Variants in FAM110B observed in about 807,000 individuals in gnomAD.
FAM110B encodes protein FAM110B.
Under a neutral mutation model 20.4 loss-of-function variants are expected in FAM110B, and 6 were observed. That is an observed-to-expected ratio of 0.29 (90% CI 0.16 to 0.58). FAM110B has a LOEUF of 0.58. Among genes scored for constraint, FAM110B ranks in the 20% least tolerant of loss-of-function variants. The pLI, the probability that FAM110B is intolerant of heterozygous loss-of-function variation, is 0.90. For synonymous variants in FAM110B, 226 were observed against 214.1 expected (o/e 1.06, Z -0.49); for missense variants, 434 against 498.2 (o/e 0.87, Z 1.23).
intron 2 of FAM110B, among the ~76,000 whole-genome samples, chr8:58,072,372 A>G (rs1255272517): frequency 6.6e-6 from 1 of 152,186 alleles, no homozygotes; most frequent in Non-Finnish European, 1.5e-5. Flanking sequence ...CTTTTTTAAA[A>G]ATTTAAATAT....
At chr8:58,012,768 G>C (rs998842906) in intron 1 of FAM110B, among the ~76,000 whole-genome samples, 3 of 152,200 alleles carry the variant, frequency 2.0e-5, no homozygotes, top group African/African-American at 7.2e-5. Context: ...TCACACTTTA[G>C]TAACAGGGAC....
intron 1 of FAM110B, among the ~76,000 whole-genome samples, 154 bp downstream of exon 1, chr8:57,994,960 C>T (rs964910453): frequency 5.3e-5 from 8 of 152,142 alleles, no homozygotes; most frequent in African/African-American, 1.4e-4. Context: ...TGCAGCTTCC[C>T]CGCCCGGCCC....
chr8:58,058,496 T>C (rs1383253739), intron 2 of FAM110B, among the ~76,000 whole-genome samples: 3 of 152,148 alleles, frequency 2.0e-5, no homozygotes, highest in Admixed American at 2.0e-4. Flanking sequence ...AGAAAGATGT[T>C]TTAAGTCAAT....
At chr8:57,998,253 T>C (rs1804224385) in intron 1 of FAM110B, among the ~76,000 whole-genome samples, 1 of 152,212 alleles carries the variant, frequency 6.6e-6, no homozygotes, top group Admixed American at 6.5e-5. Flanking sequence ...AGATGGCACA[T>C]TTAGCTTCTT....
intron 2 of FAM110B, among the ~76,000 whole-genome samples, chr8:58,055,645 G>T (rs533255768): frequency 3.3e-5 from 5 of 152,298 alleles, no homozygotes; most frequent in African/African-American, 9.6e-5. Context: ...TGACAGAAGT[G>T]ACTTTTTTCT....
In FAM110B at chr8:58,011,861, A is replaced by G. The variant is rs534211314; in HGVS notation, c.-512+17055A>G. Among the ~76,000 whole-genome samples the G allele has an allele frequency of 5.3e-5, 8 of 152,142 alleles. No homozygotes were observed. In the South Asian group the frequency reaches 1.7e-3, roughly 32 times the overall value. On this transcript the variant is annotated intron_variant, in intron 1 of 3. Coordinates refer to ENST00000519262, the MANE Select transcript of FAM110B (RefSeq NM_001377989.1). ...GTGTCTTCTAAGTATGTAGTAAGTG[A>G]CTCTAGGCAGCATACAGGTGGCAAG...
chr8:58,006,917 A>ATTTTTT (rs199509693), intron 1 of FAM110B, among the ~76,000 whole-genome samples: 1 of 84,176 alleles, frequency 1.2e-5, no homozygotes, highest in Non-Finnish European at 2.5e-5. Context: ...ATATATATAT[A>ATTTTTT]TATATATTTT....
intron 2 of FAM110B, among the ~76,000 whole-genome samples, chr8:58,071,376 T>C (rs930264316): frequency 8.5e-5 from 13 of 152,188 alleles, no homozygotes; most frequent in African/African-American, 3.1e-4. Context: ...CAGAAACTTG[T>C]GTATTGAGTC....
chr8:58,027,653 C>G (rs1804879490), intron 1 of FAM110B, among the ~76,000 whole-genome samples: 2 of 152,174 alleles, frequency 1.3e-5, no homozygotes, highest in African/African-American at 4.8e-5. Flanking sequence ...TTCTATTGCT[C>G]CAGTTTGCCT....
chr8:58,026,654 A>G (rs1804861156), intron 1 of FAM110B, among the ~76,000 whole-genome samples: 2 of 152,142 alleles, frequency 1.3e-5, no homozygotes, highest in African/African-American at 4.8e-5. Context: ...AGAAGTATGG[A>G]CACCAGGATA....
chr8:58,136,739 G>A (rs1040994372), intron 3 of FAM110B, among the ~76,000 whole-genome samples: 4 of 152,072 alleles, frequency 2.6e-5, no homozygotes, highest in East Asian at 1.9e-4. Context: ...GAAGAATGTC[G>A]AACTGGAAAT....
intron 3 of FAM110B, among the ~76,000 whole-genome samples, chr8:58,116,934 T>C (rs1807229300): frequency 6.6e-6 from 1 of 152,220 alleles, no homozygotes; most frequent in Non-Finnish European, 1.5e-5. Flanking sequence ...CTTAACGCGA[T>C]GCACACAGCA....
intron 1 of FAM110B, among the ~76,000 whole-genome samples, chr8:58,018,082 G>A (rs1363831528): frequency 6.6e-6 from 1 of 152,124 alleles, no homozygotes; most frequent in Non-Finnish European, 1.5e-5. Flanking sequence ...GTGAAAAAAT[G>A]TGTAATTTAG....
intron 2 of FAM110B, among the ~76,000 whole-genome samples, chr8:58,066,589 GA>G (rs201863241): frequency 0.01 from 1,581 of 152,326 alleles, 27 homozygotes; most frequent in African/African-American, 0.035. Flanking sequence ...AACAGAAAAG[GA>G]AGGGGCACAA....
chr8:58,057,128 G>A (rs550969909), intron 2 of FAM110B, among the ~76,000 whole-genome samples: 1 of 152,312 alleles, frequency 6.6e-6, no homozygotes, highest in South Asian at 2.1e-4. Flanking sequence ...TGCCACAACA[G>A]CACACTCAGC....
At chr8:58,099,650 G>T (rs1360837856) in intron 3 of FAM110B, among the ~76,000 whole-genome samples, 4 of 152,174 alleles carry the variant, frequency 2.6e-5, no homozygotes, top group Admixed American at 6.5e-5. Flanking sequence ...TTAATTTGCA[G>T]ATACTTATTG....
At chr8:58,024,382 A>G (rs1804814509) in intron 1 of FAM110B, among the ~76,000 whole-genome samples, 1 of 152,104 alleles carries the variant, frequency 6.6e-6, no homozygotes, top group Non-Finnish European at 1.5e-5. Context: ...TTTTTTGGAA[A>G]GAAAAGGAAA....
chr8:58,020,131 T>G (rs1231996933), intron 1 of FAM110B, among the ~76,000 whole-genome samples: 2 of 152,136 alleles, frequency 1.3e-5, no homozygotes, highest in Non-Finnish European at 2.9e-5. Flanking sequence ...AGTCTTGTAT[T>G]TTATTTAGTG....
At chr8:58,087,492 A>G (rs1381009749) in intron 3 of FAM110B, among the ~76,000 whole-genome samples, 5 of 152,196 alleles carry the variant, frequency 3.3e-5, no homozygotes, top group African/African-American at 7.2e-5. Context: ...CATCAGAGAA[A>G]AGGGACCTCT....
Sources: gnomAD v4.1 joint callset for allele counts (sites outside exome capture counted in the v4.1 genomes callset) on GRCh38, gnomAD v4.1.1 for gene constraint, MANE v1.5 for transcripts, NCBI Gene and HGNC (gene_info 2026-07-23, HGNC 2026-07-21) for gene names.